MEIS3: variants seen among roughly 807,000 people sequenced by gnomAD.
MEIS3 encodes Meis homeobox 3, also known as homeobox protein Meis3.
MEIS3 carries 38 observed loss-of-function variants against 51.4 expected under a neutral mutation model. That is an observed-to-expected ratio of 0.74 (90% CI 0.57 to 0.97). The LOEUF (loss-of-function observed/expected upper bound fraction) is 0.97. MEIS3 is among the 50% of genes least tolerant of loss of function. MEIS3 has a pLI of 0.00. For missense variants in MEIS3, 456 were observed against 502.6 expected, an observed-to-expected ratio of 0.91 and a Z score of 0.89; for synonymous variants, 198 against 201.8, an observed-to-expected ratio of 0.98 and a Z score of 0.16.
chr19:47,420,814 G>A (rs1971679474), upstream of MEIS3, among the ~76,000 whole-genome samples: 1 of 151,588 alleles, frequency 6.6e-6, no homozygotes, highest in African/African-American at 2.4e-5. Flanking sequence ...GCAGGGGGGA[G>A]GCTCCGGCTT....
rs769813189 is a variant in MEIS3, at chr19:47,414,722, C to T, written c.592G>A (p.Asp198Asn). The T allele has an allele frequency of 2.5e-6, 4 of 1,599,258 alleles. No individual in the cohort carries two copies. Among genetic ancestry groups the T allele is most frequent in the Admixed American group, 3.5e-5 (2 of 57,962 alleles). Residue 198 changes from aspartate (D) to asparagine (N), a missense_variant, in exon 6 of 13, where the codon GAC (aspartate) becomes AAC (asparagine). By Grantham distance (23) the Asp-to-Asn change is conservative (BLOSUM62 1). Coordinates refer to ENST00000558555, the MANE Select transcript of MEIS3 (RefSeq NM_001301059.2). ...GGTGCCCGTCCCGGGCCCACCTGGT[C>T]TGGGAGGCTGGGGCAGGAGGCTGGG... The part of the protein sequence containing the change: ...DYPASCPSLP[D>N]QNNMWIRDHE...
At position 47,414,724 on chromosome 19, in the gene MEIS3, G is replaced by A. The variant is rs1268295472; in HGVS notation, c.590C>T (p.Pro197Leu). 2 of 1,600,910 alleles carry A rather than the reference G, an allele frequency of 1.2e-6. No homozygotes were observed. Among genetic ancestry groups the A allele is most frequent in the South Asian group, 2.2e-5 (2 of 89,128 alleles). The change falls in exon 6 of 13, where the codon CCA (proline) becomes CTA (leucine). Residue 197 changes from proline to leucine, a missense_variant. Transcript: ENST00000558555. ...TGCCCGTCCCGGGCCCACCTGGTCT[G>A]GGAGGCTGGGGCAGGAGGCTGGGTA... ...EDYPASCPSL[P>L]DQNNMWIRDH... is the part of the protein sequence containing the mutation.
intron 9 of MEIS3, 100 bp downstream of exon 9, chr19:47,407,252 G>A: frequency 6.7e-7 from 1 of 1,496,520 alleles, no homozygotes; most frequent in South Asian, 1.3e-5. Flanking sequence ...GGGGCGAGCA[G>A]GGGCAGTGGC....
At chr19:47,411,044 C>A (rs777718223) in intron 6 of MEIS3, among the ~76,000 whole-genome samples, 10 of 152,106 alleles carry the variant, frequency 6.6e-5, no homozygotes, top group Non-Finnish European at 1.5e-4. Flanking sequence ...TCACGTGATT[C>A]TCATGCCTCA....
upstream of MEIS3, among the ~76,000 whole-genome samples, chr19:47,421,415 T>G (rs1438384253): frequency 7.9e-5 from 12 of 152,120 alleles, no homozygotes; most frequent in Admixed American, 7.9e-4. Context: ...GGATCCGCAG[T>G]GGTCCCCAGG....
At chr19:47,417,009 T>A in intron 2 of MEIS3, 46 bp from the exon 3 acceptor site, 1 of 1,537,834 alleles carries the variant, frequency 6.5e-7, no homozygotes, top group Non-Finnish European at 8.7e-7. Context: ...GGCTGGGAGG[T>A]GGATGGAGGG....
chr19:47,413,173 GATC>G (rs1393616218), intron 6 of MEIS3, among the ~76,000 whole-genome samples: 1 of 151,478 alleles, frequency 6.6e-6, no homozygotes, highest in African/African-American at 2.4e-5. Flanking sequence ...GAGGCGGGAG[GATC>G]ACTTGAAGTC....
chr19:47,404,107 G>A (rs1369956294), intron 12 of MEIS3, among the ~76,000 whole-genome samples: 1 of 152,086 alleles, frequency 6.6e-6, no homozygotes, highest in Non-Finnish European at 1.5e-5. Context: ...GGGAGGCTGA[G>A]GCCAGAGGAT....
intron 6 of MEIS3, among the ~76,000 whole-genome samples, chr19:47,412,861 C>T (rs370926229): frequency 6.6e-6 from 1 of 151,976 alleles, no homozygotes; most frequent in Non-Finnish European, 1.5e-5. Flanking sequence ...AGCCACTGCA[C>T]CTGGCCTAAG....
intron 6 of MEIS3, among the ~76,000 whole-genome samples, chr19:47,411,720 C>A (rs1301050810): frequency 1.3e-5 from 2 of 149,974 alleles, no homozygotes; most frequent in Non-Finnish European, 3.0e-5. Flanking sequence ...TTTTGTATCT[C>A]TAGTAGAGAT....
chr19:47,419,789 GTC>G (rs1288525369), upstream of MEIS3, among the ~76,000 whole-genome samples: 1 of 151,762 alleles, frequency 6.6e-6, no homozygotes, highest in African/African-American at 2.4e-5. Flanking sequence ...CTCTCTCCTT[GTC>G]TCTCTCTGTC....
intron 7 of MEIS3, 61 bp downstream of exon 7, chr19:47,409,375 G>A (rs569672949): frequency 1.1e-5 from 17 of 1,573,268 alleles, no homozygotes; most frequent in East Asian, 4.5e-5. Context: ...TCTTACTTGC[G>A]ATCTAACTTC....
In MEIS3 at chr19:47,416,812, C is replaced by T. The variant is rs1568428958; in HGVS notation, c.337G>A (p.Ala113Thr). 9.3e-6 allele frequency: 15 copies of T among 1,613,420 alleles called. No individual in the cohort carries two copies. Among genetic ancestry groups the T allele is most frequent in the African/African-American group, 2.7e-5 (2 of 74,916 alleles). Residue 113 changes from alanine to threonine, a missense_variant, in exon 3 of 13, where the codon GCC becomes ACC. By Grantham distance (58) the Ala-to-Thr change is moderately conservative. Transcript: ENST00000558555. Reference protein sequence around the residue: ...DSFNEDIAAFAKQVRSERPLF... With the variant: ...DSFNEDIAAFTKQVRSERPLF... ...GGGTGGGAGGTGCCCACCTGCTTGG[C>T]AAAGGCAGCGATGTCCTCGTTGAAG...
intron 7 of MEIS3, 77 bp from the exon 8 acceptor site, chr19:47,409,324 G>A: frequency 1.9e-6 from 3 of 1,581,692 alleles, no homozygotes; most frequent in Non-Finnish European, 2.6e-6. Context: ...TCTCCCCCAA[G>A]ACAACACTCC....
upstream of MEIS3, among the ~76,000 whole-genome samples, chr19:47,420,897 C>T (rs1286347720): frequency 3.3e-5 from 2 of 60,296 alleles, no homozygotes; most frequent in Non-Finnish European, 7.0e-5. Context: ...CTCTCGCTCT[C>T]TCTCTCTCTC....
In MEIS3 at chr19:47,406,272, A is replaced by AGGAT. The variant is rs140024451; in HGVS notation, c.*17+184_*17+187dup. ...TAGATGGATGGATACATGGAGGAGG[A>AGGAT]GGATGGATGGATGGATGGATGGATG... On this transcript the variant is annotated intron_variant, in intron 12 of 12. Transcript: ENST00000558555. 329 of 513,824 alleles carry AGGAT rather than the reference A, an allele frequency of 6.4e-4. 2 individuals are homozygous for AGGAT. The highest frequency in any genetic ancestry group is 2.5e-3 in the African/African-American group (127 of 49,850). The allele number at this position is 513,824 out of a possible 1,614,324, so 31.8% of individuals were successfully genotyped here.
chr19:47,408,962 T>C, intron 8 of MEIS3, 137 bp downstream of exon 8: 1 of 975,510 alleles, frequency 1.0e-6, no homozygotes, highest in South Asian at 1.5e-5. Flanking sequence ...GTCACAATTC[T>C]CCACCTCCAT....
At chr19:47,414,089 C>T (rs568077160) in intron 6 of MEIS3, among the ~76,000 whole-genome samples, 22 of 151,946 alleles carry the variant, frequency 1.4e-4, no homozygotes, top group Non-Finnish European at 2.9e-4. Flanking sequence ...TCCAAGTCTG[C>T]GTAGATGAGT....
chr19:47,417,691 G>A, intron 1 of MEIS3: 1 of 701,988 alleles, frequency 1.4e-6, no homozygotes, highest in Non-Finnish European at 2.6e-6. Context: ...AGACAGAGAG[G>A]GAGATCCATG....
Sources: gnomAD v4.1 joint callset for allele counts (sites outside exome capture counted in the v4.1 genomes callset) on GRCh38, gnomAD v4.1.1 for gene constraint, MANE v1.5 for transcripts, NCBI Gene and HGNC (gene_info 2026-07-23, HGNC 2026-07-21) for gene names.